Variants in IL1RL2 observed in about 807,000 individuals in gnomAD.
The protein encoded by IL1RL2 is interleukin-1 receptor-like 2.
IL1RL2 carries 68 observed loss-of-function variants against 66.8 expected under a neutral mutation model. That is an observed-to-expected ratio of 1.02 (90% CI 0.84 to 1.25). IL1RL2 has a LOEUF of 1.25. IL1RL2 is among the 50% of genes most tolerant of loss of function. The pLI, the probability that IL1RL2 is intolerant of heterozygous loss-of-function variation, is 0.00. For synonymous variants in IL1RL2, 305 were observed against 264.6 expected, an observed-to-expected ratio of 1.15 and a Z score of -1.48; for missense variants, 729 against 709.3, an observed-to-expected ratio of 1.03 and a Z score of -0.32.
chr2:102,222,924 T>C (rs1248103088), intron 8 of IL1RL2, among the ~76,000 whole-genome samples: 4 of 152,192 alleles, frequency 2.6e-5, no homozygotes. Flanking sequence ...CTGAATAATA[T>C]AGACTGAAGC....
At chr2:102,208,811 G>A (rs1316833319) in intron 5 of IL1RL2, among the ~76,000 whole-genome samples, 1 of 152,152 alleles carries the variant, frequency 6.6e-6, no homozygotes, top group Non-Finnish European at 1.5e-5. Flanking sequence ...AAATATTTTG[G>A]GGTGGTTTTC....
At chr2:102,211,997 T>A (rs1215220212) in intron 5 of IL1RL2, 103 bp from the exon 6 acceptor site, 8 of 699,308 alleles carry the variant, frequency 1.1e-5, no homozygotes, top group Non-Finnish European at 2.0e-5. Flanking sequence ...GACCAGAGCT[T>A]ATTGATGGTC....
At chr2:102,239,130 C>T (rs770240392) in intron 11 of IL1RL2, 62 bp from the exon 12 acceptor site, 6 of 1,507,390 alleles carry the variant, frequency 4.0e-6, no homozygotes, top group Non-Finnish European at 5.5e-6. Flanking sequence ...GGCAGGTTTC[C>T]TTATCAGCCC....
At chr2:102,218,880 G>T in intron 6 of IL1RL2, 73 bp from the exon 7 acceptor site, 1 of 1,344,662 alleles carries the variant, frequency 7.4e-7, no homozygotes, top group Non-Finnish European at 1.1e-6. Context: ...CGATGCACTT[G>T]TAATCCAGAT....
chr2:102,199,022 T>A (rs377723512), intron 4 of IL1RL2, among the ~76,000 whole-genome samples: 80 of 152,336 alleles, frequency 5.3e-4, no homozygotes, highest in African/African-American at 1.9e-3. Context: ...TCCTTCTTCT[T>A]CTTAGTAACA....
chr2:102,232,906 T>A, intron 9 of IL1RL2, 57 bp from the exon 10 acceptor site: 1 of 1,571,742 alleles, frequency 6.4e-7, no homozygotes, highest in Non-Finnish European at 8.7e-7. Flanking sequence ...TTCCGGTTTA[T>A]TAACATGAGA....
chr2:102,227,799 T>G (rs990565768), intron 9 of IL1RL2, among the ~76,000 whole-genome samples: 18 of 152,176 alleles, frequency 1.2e-4, no homozygotes, highest in Admixed American at 3.9e-4. Context: ...ATGGTGTGTC[T>G]CTCTCACTGT....
chr2:102,233,293 T>C (rs900791909), intron 10 of IL1RL2, among the ~76,000 whole-genome samples, 169 bp downstream of exon 10: 9 of 152,028 alleles, frequency 5.9e-5, no homozygotes, highest in African/African-American at 2.2e-4. Flanking sequence ...CCAAGGAGGT[T>C]AGGCCCAAGC....
intron 9 of IL1RL2, among the ~76,000 whole-genome samples, chr2:102,230,044 G>C (rs1273424757): frequency 6.6e-6 from 1 of 152,206 alleles, no homozygotes; most frequent in East Asian, 1.9e-4. Flanking sequence ...TCTGGGACAA[G>C]TGGCAATAAG....
At chr2:102,193,661 T>C (rs1254421615) in intron 4 of IL1RL2, among the ~76,000 whole-genome samples, 3 of 152,134 alleles carry the variant, frequency 2.0e-5, no homozygotes, top group Non-Finnish European at 4.4e-5. Context: ...TCACCAGGAG[T>C]ATTCTAGATT....
chr2:102,212,213 A>T (rs926463256), intron 6 of IL1RL2, 39 bp downstream of exon 6: 48 of 1,370,860 alleles, frequency 3.5e-5, no homozygotes, highest in Non-Finnish European at 4.8e-5. Context: ...TCACCAGGGG[A>T]AGAGCTCATT....
intron 3 of IL1RL2, 85 bp downstream of exon 3, chr2:102,189,395 CTT>C: frequency 1.3e-6 from 1 of 796,370 alleles, no homozygotes; most frequent in Non-Finnish European, 2.0e-6. Flanking sequence ...ATAGAAAACT[CTT>C]GAGAAGAATT....
intron 9 of IL1RL2, 53 bp from the exon 10 acceptor site, chr2:102,232,910 C>A: frequency 6.3e-7 from 1 of 1,575,788 alleles, no homozygotes; most frequent in Non-Finnish European, 8.7e-7. Flanking sequence ...GGTTTATTAA[C>A]ATGAGAGAAT....
intron 11 of IL1RL2, among the ~76,000 whole-genome samples, chr2:102,236,844 T>C (rs940451679): frequency 6.6e-6 from 1 of 152,202 alleles, no homozygotes; most frequent in African/African-American, 2.4e-5. Flanking sequence ...TTACTACTAT[T>C]ACATTTTTGA....
At chr2:102,203,430 TC>T (rs1688441644) in intron 5 of IL1RL2, among the ~76,000 whole-genome samples, 1 of 152,066 alleles carries the variant, frequency 6.6e-6, no homozygotes, top group Non-Finnish European at 1.5e-5. Flanking sequence ...TATCTTCTCA[TC>T]CTCTATTTTT....
downstream of IL1RL2, among the ~76,000 whole-genome samples, chr2:102,242,922 G>T (rs1675263913): frequency 2.0e-5 from 3 of 152,140 alleles, no homozygotes; most frequent in South Asian, 6.2e-4. Flanking sequence ...CTTTTAAATA[G>T]ATCTATTTAT....
At chr2:102,225,312 C>G (rs1323041480) in intron 8 of IL1RL2, among the ~76,000 whole-genome samples, 1 of 152,224 alleles carries the variant, frequency 6.6e-6, no homozygotes, top group Non-Finnish European at 1.5e-5. Flanking sequence ...GGCACCCAGC[C>G]TGGAAATCAA....
At chr2:102,227,744 G>A (rs898187627) in intron 9 of IL1RL2, among the ~76,000 whole-genome samples, 1 of 152,130 alleles carries the variant, frequency 6.6e-6, no homozygotes, top group Admixed American at 6.5e-5. Context: ...TTGACTAACA[G>A]AAGCCTGCGT....
At chr2:102,238,807 G>C (rs147298977) in intron 11 of IL1RL2, among the ~76,000 whole-genome samples, 123 of 152,222 alleles carry the variant, frequency 8.1e-4, no homozygotes, top group African/African-American at 2.7e-3. Flanking sequence ...TGGGAACTCT[G>C]TGTGTGGATG....
Sources: gnomAD v4.1 joint callset for allele counts (sites outside exome capture counted in the v4.1 genomes callset) on GRCh38, gnomAD v4.1.1 for gene constraint, MANE v1.5 for transcripts, NCBI Gene and HGNC (gene_info 2026-07-23, HGNC 2026-07-21) for gene names.